SYAP1: variants seen among roughly 807,000 people sequenced by gnomAD.
The protein encoded by SYAP1 is synapse associated protein 1.
Under a neutral mutation model 29.6 loss-of-function variants are expected in SYAP1, and 3 were observed. The observed-to-expected ratio is 0.10, with a 90% CI of 0.05 to 0.26. The LOEUF (loss-of-function observed/expected upper bound fraction) is 0.26. SYAP1 is among the 10% of genes least tolerant of loss of function. The pLI is 1.00. For synonymous variants in SYAP1, 102 were observed against 102.7 expected (o/e 0.99, Z 0.04); for missense variants, 217 against 264.1 (o/e 0.82, Z 1.24).
In SYAP1 at chrX:16,747,197, C is replaced by T. The variant is rs143760638; in HGVS notation, c.575+3357C>T. Among the ~76,000 whole-genome samples the T allele has an allele frequency of 6.7e-4, 75 of 111,770 alleles. No individual in the cohort carries two copies. The East Asian group carries it at 0.015, about 23-fold the overall frequency. On this transcript the variant is annotated intron_variant, in intron 5 of 8. Transcript: ENST00000380155. ...CTCCTGGCCTGAAGCAGTCTTCCTG[C>T]CTCAGCCTCTCAAGTTGCTGAGGTT...
intron 5 of SYAP1, among the ~76,000 whole-genome samples, chrX:16,749,840 G>A (rs1926688955): frequency 9.3e-6 from 1 of 107,452 alleles, no homozygotes; most frequent in Non-Finnish European, 1.9e-5. Context: ...GAACACAGGA[G>A]GCGGAGGTTA....
In SYAP1 at chrX:16,762,292, C is replaced by A. The variant is rs994663899; in HGVS notation, c.*1933C>A. 1.8e-5 allele frequency: 2 copies of A among 111,524 alleles called. No individual in the cohort carries two copies. Among genetic ancestry groups the A allele is most frequent in the Non-Finnish European group, 3.8e-5 (2 of 53,169 alleles). 9.2% of individuals were successfully genotyped at this position (111,524 alleles called of 1,213,427 possible). A position where few individuals can be genotyped will look rare whatever the true frequency, so the allele number is the denominator to read the frequency against. On this transcript the variant is annotated 3_prime_UTR_variant, in exon 9 of 9. Transcript: ENST00000380155. ...TTCTTATTGATAAATGTTGAATAAACACACACAAAAAAGTATCAGAGAAAG... is the reference window on the plus strand; with the variant it reads ...TTCTTATTGATAAATGTTGAATAAAAACACACAAAAAAGTATCAGAGAAAG...
In SYAP1 at chrX:16,735,613, T is replaced by C. The variant is rs139002026; in HGVS notation, c.294+268T>C. The stretch of plus-strand genomic sequence containing the variant: ...GGGGGTTATACTAAACTTTTCATGT[T>C]GGTTGTTTGTTTGTTTGTTTGTTTG... On this transcript the variant is annotated intron_variant, in intron 2 of 8. Coordinates refer to ENST00000380155, the MANE Select transcript of SYAP1 (RefSeq NM_032796.4). Among the ~76,000 whole-genome samples, 35 of 111,861 alleles carry C rather than the reference T, an allele frequency of 3.1e-4. No individual in the cohort carries two copies. The East Asian group carries it at 8.9e-3, about 28-fold the overall frequency.
intron 5 of SYAP1, among the ~76,000 whole-genome samples, chrX:16,745,833 T>C (rs1602331160): frequency 9.0e-6 from 1 of 110,715 alleles, no homozygotes; most frequent in African/African-American, 3.3e-5. Flanking sequence ...TCCTCTCCTC[T>C]CTCATTCTCT....
intron 1 of SYAP1, among the ~76,000 whole-genome samples, chrX:16,720,304 CT>C (rs747224148): frequency 8.9e-6 from 1 of 112,293 alleles, no homozygotes; most frequent in Admixed American, 9.4e-5. Context: ...TTTTTTGCCC[CT>C]AGGTCAGAAC....
At chrX:16,744,196 G>T (rs1183205766) in intron 5 of SYAP1, among the ~76,000 whole-genome samples, 1 of 112,533 alleles carries the variant, frequency 8.9e-6, no homozygotes, top group Non-Finnish European at 1.9e-5. Flanking sequence ...CCCTCCAGTG[G>T]CAGTGTTCCT....
chrX:16,754,934 T>C lies in SYAP1; in HGVS notation c.576-11T>C, dbSNP rs968643804. The C allele has an allele frequency of 8.3e-7, 1 of 1,207,334 alleles. No individual in the cohort carries two copies. Among genetic ancestry groups the C allele is most frequent in the African/African-American group, 1.8e-5 (1 of 57,132 alleles). ...CTTTTTCCACTGTTCTAATTTGCCT[T>C]TCTTTAAAAGTGTGAAGGAAGAAGT... On this transcript the variant is annotated splice_polypyrimidine_tract_variant and intron_variant, in intron 5 of 8. Transcript: ENST00000380155.
At chrX:16,739,276 C>T (rs1208831494) in intron 3 of SYAP1, among the ~76,000 whole-genome samples, 1 of 110,854 alleles carries the variant, frequency 9.0e-6, no homozygotes, top group East Asian at 2.8e-4. Context: ...GTGTGCTCAT[C>T]TGCCTATCCA....
At chrX:16,733,052 G>C (rs1289529062) in intron 1 of SYAP1, among the ~76,000 whole-genome samples, 1 of 111,956 alleles carries the variant, frequency 8.9e-6, no homozygotes, top group African/African-American at 3.2e-5. Context: ...GGATATTTAA[G>C]TGGAGACCCA....
chrX:16,753,680 C>G lies in SYAP1; in HGVS notation c.576-1265C>G, dbSNP rs186984781. On this transcript the variant is annotated intron_variant, in intron 5 of 8. Transcript: ENST00000380155. ...TTGGGGTGCCACTGCTCTGCATGCT[C>G]TCAGTGGACACAGCCAGGGAATGTG... Among the ~76,000 whole-genome samples the G allele has an allele frequency of 1.1e-3, 124 of 111,284 alleles. 1 individual carries two copies. The highest frequency in any genetic ancestry group is 2.0e-3 in the Admixed American group (21 of 10,402).
rs1927002376 is a variant in SYAP1 at position 16,762,298 on chromosome X, C to A, written c.*1939C>A. The A allele has an allele frequency of 9.0e-6, 1 of 111,240 alleles. No homozygotes were observed. Among genetic ancestry groups the A allele is most frequent in the Non-Finnish European group, 1.9e-5 (1 of 53,110 alleles). The allele number at this position is 111,240 out of a possible 1,213,427, so 9.2% of individuals were successfully genotyped here. ...TTGATAAATGTTGAATAAACACACACAAAAAAGTATCAGAGAAAGAGAAAA... is the reference window on the plus strand; with the variant it reads ...TTGATAAATGTTGAATAAACACACAAAAAAAAGTATCAGAGAAAGAGAAAA... On this transcript the variant is annotated 3_prime_UTR_variant, in exon 9 of 9. Coordinates refer to ENST00000380155, the MANE Select transcript of SYAP1 (RefSeq NM_032796.4).
intron 1 of SYAP1, among the ~76,000 whole-genome samples, chrX:16,720,595 C>T (rs1281516071): frequency 8.9e-6 from 1 of 112,328 alleles, no homozygotes; most frequent in Non-Finnish European, 1.9e-5. Flanking sequence ...CATTTTAAAG[C>T]CCGTGCTCTT....
At position 16,757,223 on chromosome X, in the gene SYAP1, C is replaced by T. The variant is rs1180496155; in HGVS notation, c.845C>T (p.Ala282Val). The T allele has an allele frequency of 8.3e-7, 1 of 1,210,136 alleles. No homozygotes were observed. Among genetic ancestry groups the T allele is most frequent in the Admixed American group, 2.2e-5 (1 of 45,880 alleles). Residue 282 changes from alanine to valine, a missense_variant, in exon 8 of 9, where the codon GCC (alanine) becomes GTC (valine). Ala to Val is a moderately conservative substitution (Grantham distance 64). Coordinates refer to ENST00000380155, the MANE Select transcript of SYAP1 (RefSeq NM_032796.4). ...VSEFVSDAFD[A>V]CNLNQEDLRK... ...GAGTTTGTCAGTGATGCCTTCGATGCCTGTAACCTAAATCAGGAAGATCTA... is the reference window on the plus strand; with the variant it reads ...GAGTTTGTCAGTGATGCCTTCGATGTCTGTAACCTAAATCAGGAAGATCTA...
chrX:16,763,981 TCTC>T lies in SYAP1; in HGVS notation c.*3625_*3627del, dbSNP rs1328726312. The T allele has an allele frequency of 9.2e-6, 1 of 109,160 alleles. No homozygotes were observed. Among genetic ancestry groups the T allele is most frequent in the African/African-American group, 3.4e-5 (1 of 29,846 alleles). 9.0% of individuals were successfully genotyped at this position (109,160 alleles called of 1,213,427 possible). A position where few individuals can be genotyped will look rare whatever the true frequency, so the allele number is the denominator to read the frequency against. On this transcript the variant is annotated 3_prime_UTR_variant, in exon 9 of 9. Coordinates refer to ENST00000380155, the MANE Select transcript of SYAP1 (RefSeq NM_032796.4). ...CCTCCGGCTCCCGGGTTCAGGCAGT[TCTC>T]CTGCCTCAGCCTCCCTAGTAGCTGG...
intron 3 of SYAP1, among the ~76,000 whole-genome samples, chrX:16,739,901 A>T (rs1172810343): frequency 9.0e-6 from 1 of 110,578 alleles, no homozygotes; most frequent in African/African-American, 3.3e-5. Flanking sequence ...TTCCCATCCT[A>T]ATCTTGCCGC....
chrX:16,720,050 G>A (rs1007661876), intron 1 of SYAP1, 151 bp downstream of exon 1: 2 of 558,275 alleles, frequency 3.6e-6, no homozygotes, highest in Non-Finnish European at 2.8e-6. Context: ...TCCTCTCCGG[G>A]TCGGGAGAGA....
At chrX:16,759,915 C>T (rs1401740052) in intron 8 of SYAP1, among the ~76,000 whole-genome samples, 2 of 112,160 alleles carry the variant, frequency 1.8e-5, no homozygotes, top group Admixed American at 9.5e-5. Context: ...TAACTTGCAA[C>T]CAAGTATTAA....
chrX:16,733,740 A>G (rs1926261753), intron 1 of SYAP1, among the ~76,000 whole-genome samples: 1 of 107,119 alleles, frequency 9.3e-6, no homozygotes, highest in Non-Finnish European at 1.9e-5. Flanking sequence ...ATCTCGGCTC[A>G]CTGCAGTCTC....
chrX:16,743,486 T>C (rs1296187386), intron 4 of SYAP1, among the ~76,000 whole-genome samples: 1 of 107,586 alleles, frequency 9.3e-6, no homozygotes, highest in Non-Finnish European at 1.9e-5. Context: ...ATACAAAAAT[T>C]AGCCAGGCGC....
Sources: allele counts gnomAD v4.1 joint callset (sites outside exome capture counted in the v4.1 genomes callset), GRCh38; gene constraint gnomAD v4.1.1; transcripts MANE v1.5; gene names NCBI Gene and HGNC (gene_info 2026-07-23, HGNC 2026-07-21).